The following SLC25A21 variants were observed in gnomAD, a reference collection of about 807,000 sequenced individuals.
SLC25A21 encodes the protein mitochondrial 2-oxodicarboxylate carrier.
A neutral mutation model predicts 43.8 loss-of-function variants in SLC25A21; 47 were observed. That is an observed-to-expected ratio of 1.07 (90% confidence interval 0.85 to 1.37). SLC25A21 has a LOEUF of 1.37. SLC25A21 is among the 40% of genes most tolerant of loss of function. SLC25A21 has a pLI of 0.00. For synonymous variants in SLC25A21, 131 were observed against 121.3 expected, an observed-to-expected ratio of 1.08 and a Z score of -0.52; for missense variants, 352 against 350.2, an observed-to-expected ratio of 1.00 and a Z score of -0.04.
chr14:36,735,995 G>GGC (rs1323300094), intron 3 of SLC25A21, among the ~76,000 whole-genome samples: 1 of 144,690 alleles, frequency 6.9e-6, no homozygotes, highest in Admixed American at 7.3e-5. Context: ...GGAGTGCAGG[G>GGC]GCGCATCTCG....
intron 1 of SLC25A21, among the ~76,000 whole-genome samples, chr14:36,880,805 C>T (rs907922825): frequency 6.6e-6 from 1 of 152,146 alleles, no homozygotes; most frequent in African/African-American, 2.4e-5. Flanking sequence ...TATTGTTAAT[C>T]ACATATCCTG....
intron 6 of SLC25A21, 135 bp from the exon 7 acceptor site, chr14:36,711,617 A>T (rs7140265): frequency 0.095 from 91,146 of 958,130 alleles, 8,489 homozygotes; most frequent in East Asian, 0.48. Context: ...CATGCCTAGA[A>T]CTGTGTTTTT....
Position 36,797,365 on chromosome 14 carries a change from A to G in SLC25A21, c.203+16553T>C, listed in dbSNP as rs537355241. On this transcript the variant is annotated intron_variant, in intron 3 of 9. Transcript: ENST00000331299. ...TGTGGCTGAAGGCAAAAGAGAAGAA[A>G]AAAAGGCTCCTTAAGACTCCTTAAA... Among the ~76,000 whole-genome samples, 3 of 152,314 alleles carry G rather than the reference A, an allele frequency of 2.0e-5. No individual in the cohort carries two copies. The South Asian group carries it at 6.2e-4, about 32-fold the overall frequency.
chr14:36,990,414 G>A (rs975416744), intron 1 of SLC25A21, among the ~76,000 whole-genome samples: 1 of 152,146 alleles, frequency 6.6e-6, no homozygotes, highest in African/African-American at 2.4e-5. Context: ...CACATTACAT[G>A]AGACTCTGAA....
At chr14:36,910,613 T>C in intron 1 of SLC25A21, among the ~76,000 whole-genome samples, 1 of 152,206 alleles carries the variant, frequency 6.6e-6, no homozygotes, top group Admixed American at 6.5e-5. Context: ...GAAATAACTT[T>C]GAGGTTATTA....
chr14:36,981,568 C>A (rs1960023763), intron 1 of SLC25A21, among the ~76,000 whole-genome samples: 1 of 152,150 alleles, frequency 6.6e-6, no homozygotes, highest in African/African-American at 2.4e-5. Context: ...AACCATCATT[C>A]TCAGCAAACT....
At chr14:36,700,422 T>G (rs1002417660) in intron 7 of SLC25A21, among the ~76,000 whole-genome samples, 1 of 152,184 alleles carries the variant, frequency 6.6e-6, no homozygotes, top group African/African-American at 2.4e-5. Flanking sequence ...TGATGCACTA[T>G]AGTAGGACAG....
At chr14:37,118,213 T>C (rs762394460) in intron 1 of SLC25A21, among the ~76,000 whole-genome samples, 1 of 152,160 alleles carries the variant, frequency 6.6e-6, no homozygotes, top group Non-Finnish European at 1.5e-5. Flanking sequence ...AACCTAAGAA[T>C]GGACTTTTGA....
At chr14:37,068,508 T>C (rs1962106420) in intron 1 of SLC25A21, among the ~76,000 whole-genome samples, 2 of 152,222 alleles carry the variant, frequency 1.3e-5, no homozygotes, top group South Asian at 4.1e-4. Flanking sequence ...GGTTGTATTC[T>C]TTGACATTAA....
chr14:36,872,074 G>T (rs1594656376), intron 2 of SLC25A21, among the ~76,000 whole-genome samples: 1 of 152,162 alleles, frequency 6.6e-6, no homozygotes, highest in Admixed American at 6.6e-5. Context: ...GGATCAAAAA[G>T]AAGTGGAAAG....
intron 1 of SLC25A21, among the ~76,000 whole-genome samples, chr14:37,075,849 A>C (rs1003569866): frequency 2.6e-5 from 4 of 152,220 alleles, no homozygotes; most frequent in Admixed American, 2.6e-4. Context: ...TCCATATTTT[A>C]ACAGCCCGTC....
chr14:36,782,902 T>C (rs1027966361), intron 3 of SLC25A21, among the ~76,000 whole-genome samples: 1 of 148,612 alleles, frequency 6.7e-6, no homozygotes, highest in African/African-American at 2.5e-5. Context: ...TGTATACATA[T>C]GTAACTAACC....
intron 2 of SLC25A21, among the ~76,000 whole-genome samples, chr14:36,866,822 A>G (rs766388867): frequency 2.2e-4 from 33 of 152,218 alleles, no homozygotes; most frequent in Non-Finnish European, 3.7e-4. Context: ...GATTTCAAAG[A>G]CTTTGTATGA....
At chr14:36,795,274 G>A (rs185034090) in intron 3 of SLC25A21, among the ~76,000 whole-genome samples, 8 of 152,274 alleles carry the variant, frequency 5.3e-5, no homozygotes, top group South Asian at 2.1e-4. Context: ...GGGATCATAA[G>A]TAAAGTAGCT....
chr14:37,003,146 T>A (rs1044109396), intron 1 of SLC25A21, among the ~76,000 whole-genome samples: 1 of 152,170 alleles, frequency 6.6e-6, no homozygotes, highest in Non-Finnish European at 1.5e-5. Flanking sequence ...TATGACTAAG[T>A]TTAATTTATA....
At chr14:37,125,735 T>C (rs1963286231) in intron 1 of SLC25A21, among the ~76,000 whole-genome samples, 1 of 152,204 alleles carries the variant, frequency 6.6e-6, no homozygotes, top group South Asian at 2.1e-4. Flanking sequence ...TCCAAGTCCA[T>C]AGACCTATTA....
chr14:37,150,642 A>AT (rs1963743574), intron 1 of SLC25A21, among the ~76,000 whole-genome samples: 1 of 152,234 alleles, frequency 6.6e-6, no homozygotes, highest in Non-Finnish European at 1.5e-5. Context: ...TAAAAAGAAA[A>AT]TAAAAAGCAA....
At chr14:37,033,283 CAT>C (rs576962049) in intron 1 of SLC25A21, among the ~76,000 whole-genome samples, 81 of 152,170 alleles carry the variant, frequency 5.3e-4, no homozygotes, top group Non-Finnish European at 1.0e-3. Flanking sequence ...TGTTGTAGCA[CAT>C]GACAGGATTT....
At chr14:37,084,921 G>C (rs760955222) in intron 1 of SLC25A21, among the ~76,000 whole-genome samples, 2 of 151,974 alleles carry the variant, frequency 1.3e-5, no homozygotes, top group Non-Finnish European at 2.9e-5. Context: ...TTCCTTTATT[G>C]TACCATAATG....
Sources: allele counts gnomAD v4.1 joint callset (sites outside exome capture counted in the v4.1 genomes callset), GRCh38; gene constraint gnomAD v4.1.1; transcripts MANE v1.5; gene names NCBI Gene and HGNC (gene_info 2026-07-23, HGNC 2026-07-21).